The following ROBO1 variants were observed in gnomAD, a reference collection of about 807,000 sequenced individuals.
The protein encoded by ROBO1 is roundabout guidance receptor 1.
Under a neutral mutation model 195.9 loss-of-function variants are expected in ROBO1, and 149 were observed. The ratio of observed to expected loss-of-function variants is 0.76; its 90% CI spans 0.67 to 0.87. The LOEUF is 0.87. ROBO1 is among the 40% of genes least tolerant of loss of function. The pLI, the probability that ROBO1 is intolerant of heterozygous loss-of-function variation, is 0.00. For synonymous variants in ROBO1, 816 were observed against 733.2 expected (o/e 1.11, Z -1.82); for missense variants, 1,933 against 2,068.3 (o/e 0.93, Z 1.27).
intron 4 of ROBO1, among the ~76,000 whole-genome samples, chr3:78,817,781 C>A (rs1379410068): frequency 6.6e-6 from 1 of 152,112 alleles, no homozygotes; most frequent in Non-Finnish European, 1.5e-5. Context: ...AGAATTTCAA[C>A]CATTAGTCAG....
intron 1 of ROBO1, among the ~76,000 whole-genome samples, chr3:79,656,858 C>T (rs142529984): frequency 6.6e-6 from 1 of 151,810 alleles, no homozygotes; most frequent in Non-Finnish European, 1.5e-5. Context: ...GATTGTGCCA[C>T]TGCACTCTGG....
At chr3:78,770,835 C>G (rs1158787509) in intron 4 of ROBO1, among the ~76,000 whole-genome samples, 1 of 152,084 alleles carries the variant, frequency 6.6e-6, no homozygotes, top group Non-Finnish European at 1.5e-5. Context: ...GAGGCCAAGG[C>G]TGGAGGATCA....
At chr3:79,719,503 A>G (rs1431593786) in intron 1 of ROBO1, among the ~76,000 whole-genome samples, 1 of 152,196 alleles carries the variant, frequency 6.6e-6, no homozygotes, top group African/African-American at 2.4e-5. Flanking sequence ...CATAACATGT[A>G]AATAGAACGT....
At chr3:79,346,649 A>G (rs2109246656) in intron 2 of ROBO1, among the ~76,000 whole-genome samples, 1 of 152,188 alleles carries the variant, frequency 6.6e-6, no homozygotes, top group African/African-American at 2.4e-5. Flanking sequence ...ACAATGATAT[A>G]TTAGTATCAA....
intron 3 of ROBO1, among the ~76,000 whole-genome samples, chr3:78,947,649 C>A (rs931547618): frequency 3.3e-5 from 5 of 152,096 alleles, no homozygotes; most frequent in Non-Finnish European, 7.4e-5. Flanking sequence ...CAAAAGCTAG[C>A]AGAACACAAG....
intron 3 of ROBO1, among the ~76,000 whole-genome samples, chr3:79,048,174 T>C (rs532991864): frequency 2.6e-4 from 40 of 152,268 alleles, no homozygotes; most frequent in Non-Finnish European, 5.6e-4. Flanking sequence ...AGTAGTTTTC[T>C]TCATGCTTCC....
intron 2 of ROBO1, among the ~76,000 whole-genome samples, chr3:79,497,574 A>T (rs2107482400): frequency 6.6e-6 from 1 of 152,298 alleles, no homozygotes; most frequent in Non-Finnish European, 1.5e-5. Flanking sequence ...ATAACAATTA[A>T]TGCTGACCGA....
intron 2 of ROBO1, among the ~76,000 whole-genome samples, chr3:79,488,061 ACT>A (rs765153787): frequency 1.4e-4 from 22 of 152,232 alleles, no homozygotes; most frequent in Non-Finnish European, 2.5e-4. Flanking sequence ...ATATATTCAG[ACT>A]CTGTTAGCTG....
chr3:78,715,142 A>G (rs2081868407), intron 7 of ROBO1: 1 of 152,170 alleles, frequency 6.6e-6, no homozygotes. Context: ...ACTATAGTTT[A>G]CATACTGATC....
intron 4 of ROBO1, among the ~76,000 whole-genome samples, chr3:78,860,144 TAGATAGATAGA>T: frequency 8.7e-6 from 1 of 115,050 alleles, no homozygotes; most frequent in Non-Finnish European, 1.9e-5. Context: ...GATAGGTAGA[TAGATAGATAGA>T]TAGATAGATA....
rs543377045 is a variant in ROBO1, at chr3:79,084,279, A to T, written c.172+41177T>A. On this transcript the variant is annotated intron_variant, in intron 3 of 30. Transcript: ENST00000464233. ...TTCGGGAGGCTGAGGTGGGCGGATC[A>T]CCTGAGGTCAGGAGTTCGAGATCAG... 8.4e-3 allele frequency among the ~76,000 whole-genome samples: 1,278 copies of T among 152,232 alleles called. 19 individuals carry two copies. The highest frequency in any genetic ancestry group is 0.029 in the African/African-American group (1,208 of 41,548).
At chr3:79,531,573 G>A (rs1371642134) in intron 2 of ROBO1, among the ~76,000 whole-genome samples, 3 of 152,088 alleles carry the variant, frequency 2.0e-5, no homozygotes, top group Admixed American at 6.5e-5. Flanking sequence ...TTCAAATAAC[G>A]TAAACTTTTT....
intron 3 of ROBO1, among the ~76,000 whole-genome samples, chr3:78,993,240 A>G (rs2077278595): frequency 6.6e-6 from 1 of 152,210 alleles, no homozygotes; most frequent in South Asian, 2.1e-4. Context: ...AATTTTAACA[A>G]TAAGATGCTC....
At chr3:78,753,451 T>C (rs1289150011) in intron 4 of ROBO1, among the ~76,000 whole-genome samples, 1 of 152,176 alleles carries the variant, frequency 6.6e-6, no homozygotes, top group East Asian at 1.9e-4. Flanking sequence ...AAGGTAAGTT[T>C]GGCATAGTAG....
chr3:78,963,582 G>A (rs1383323888), intron 3 of ROBO1, among the ~76,000 whole-genome samples: 1 of 131,594 alleles, frequency 7.6e-6, no homozygotes, highest in African/African-American at 2.9e-5. Flanking sequence ...GCAGTGGCGC[G>A]ATCTCGGCTC....
chr3:79,270,596 A>G (rs2030459286), intron 2 of ROBO1, among the ~76,000 whole-genome samples: 1 of 151,796 alleles, frequency 6.6e-6, no homozygotes, highest in African/African-American at 2.4e-5. Context: ...GAAAATCCCT[A>G]AATCAAAATT....
chr3:78,813,885 T>C (rs982779685), intron 4 of ROBO1, among the ~76,000 whole-genome samples: 3 of 152,064 alleles, frequency 2.0e-5, no homozygotes, highest in Admixed American at 2.0e-4. Flanking sequence ...TAACAACATA[T>C]TAATTACAGG....
chr3:79,322,818 T>G (rs9815951), intron 2 of ROBO1, among the ~76,000 whole-genome samples: 18,680 of 152,178 alleles, frequency 0.12, 3,085 homozygotes, highest in African/African-American at 0.38. Flanking sequence ...TAAAAAACTA[T>G]ACTTTTAAGA....
chr3:78,722,354 T>C (rs2082063481), intron 5 of ROBO1, among the ~76,000 whole-genome samples: 1 of 152,140 alleles, frequency 6.6e-6, no homozygotes, highest in Admixed American at 6.6e-5. Flanking sequence ...CTGTCAAATT[T>C]TTCTACAAGA....
Sources: allele counts gnomAD v4.1 joint callset (sites outside exome capture counted in the v4.1 genomes callset), GRCh38; gene constraint gnomAD v4.1.1; transcripts MANE v1.5; gene names NCBI Gene and HGNC (gene_info 2026-07-23, HGNC 2026-07-21).